The following TEP1 variants were observed in gnomAD, a reference collection of about 807,000 sequenced individuals.
TEP1 encodes the protein telomerase protein component 1.
TEP1 carries 241 observed loss-of-function variants against 306.3 expected under a neutral mutation model. The observed-to-expected ratio is 0.79, with a 90% confidence interval of 0.71 to 0.88. TEP1 has a LOEUF of 0.88. Ranked by LOEUF, TEP1 falls within the 40% of genes least tolerant of loss-of-function variation. The pLI is 0.00. For missense variants in TEP1, 3,051 were observed against 3,276.1 expected (o/e 0.93, Z 1.68); for synonymous variants, 1,289 against 1,305.5 (o/e 0.99, Z 0.27).
At position 20,413,475 on chromosome 14, in the gene TEP1, G is replaced by GC. The variant is rs201587210; in HGVS notation, c.-96dup. On this transcript the variant is annotated 5_prime_UTR_variant, in exon 1 of 55. Transcript: ENST00000262715. ...GATTCTGCCGGTGGGAAGGGTGGCA[G>GC]CCGGGGGAGGAGCCGGATGCGGATC... 1,410 of 152,512 alleles carry GC rather than the reference G, an allele frequency of 9.2e-3. 24 individuals carry two copies. The highest frequency in any genetic ancestry group is 0.031 in the African/African-American group (1,278 of 41,584). The allele number at this position is 152,512 out of a possible 1,614,324, so 9.4% of individuals were successfully genotyped here.
rs1468017690 is a variant in TEP1, at chr14:20,391,674, C to A, written c.2022G>T (p.Leu674=). 1 of 1,614,176 alleles carries A rather than the reference C, an allele frequency of 6.2e-7. No individual in the cohort carries two copies. Among genetic ancestry groups the A allele is most frequent in the Non-Finnish European group, 8.5e-7 (1 of 1,180,028 alleles). The change falls in exon 13 of 55, where the codon CTG becomes CTT. Residue 674 remains leucine, a synonymous_variant. Coordinates refer to ENST00000262715, the MANE Select transcript of TEP1 (RefSeq NM_007110.5). ...NLSVKHSLPL[L]PGRTVLVYLT... Reference sequence around the variant, plus strand: ...GATAGACCAAGACAGTGCGGCCTGGCAGCAGGGGCAGGCTGTGCTTCACAG... The same window carrying A: ...GATAGACCAAGACAGTGCGGCCTGGAAGCAGGGGCAGGCTGTGCTTCACAG...
rs776649005 is a variant in TEP1, at chr14:20,401,057, C to G, written c.1476G>C (p.Leu492=). 6.2e-7 allele frequency: 1 copy of G among 1,614,256 alleles called. No homozygotes were observed. Among genetic ancestry groups the G allele is most frequent in the Non-Finnish European group, 8.5e-7 (1 of 1,180,052 alleles). ...DSSRAGKRMK[L]SRPETWEREL... ...CCCGCTCCCAGGTCTCTGGCCTAGA[C>G]AGCTTCATCCTCTTCCCAGCTCTGC... The change falls in exon 9 of 55, where the codon CTG becomes CTC. Residue 492 remains leucine (L), a synonymous_variant. Transcript: ENST00000262715.
chr14:20,397,180 T>C (rs1316488227), intron 9 of TEP1, among the ~76,000 whole-genome samples: 2 of 152,252 alleles, frequency 1.3e-5, no homozygotes, highest in Non-Finnish European at 2.9e-5. Context: ...TTATCTAGTC[T>C]AGAGCAAAGG....
intron 4 of TEP1, 129 bp from the exon 5 acceptor site, chr14:20,404,901 C>T (rs988473982): frequency 1.8e-5 from 20 of 1,107,634 alleles, no homozygotes; most frequent in Admixed American, 3.3e-5. Flanking sequence ...CCACAAAATA[C>T]GAAGCCCAGG....
chr14:20,399,847 T>A (rs1157437910), intron 9 of TEP1, among the ~76,000 whole-genome samples: 1 of 151,792 alleles, frequency 6.6e-6, no homozygotes, highest in East Asian at 1.9e-4. Context: ...AGGGAGGAAG[T>A]GGAGATGGGT....
In TEP1 at chr14:20,380,866, GC is replaced by G. The variant is rs1594335741; in HGVS notation, c.4762+64del. ...CACCCCTGCCCCAACCCTGAGCAGG[GC>G]CCCCATAAGCACACCCAGGAGTCCC... On this transcript the variant is annotated intron_variant, in intron 33 of 54. Coordinates refer to ENST00000262715, the MANE Select transcript of TEP1 (RefSeq NM_007110.5). The G allele has an allele frequency of 8.1e-6, 11 of 1,362,648 alleles. No homozygotes were observed. The East Asian group carries it at 2.5e-4, about 31-fold the overall frequency. 84.4% of individuals were successfully genotyped at this position (1,362,648 alleles called of 1,614,324 possible).
intron 12 of TEP1, among the ~76,000 whole-genome samples, chr14:20,393,390 G>T (rs2139126410): frequency 6.6e-6 from 1 of 152,038 alleles, no homozygotes; most frequent in East Asian, 1.9e-4. Flanking sequence ...CTATCCAATA[G>T]AATTCAATTA....
intron 9 of TEP1, among the ~76,000 whole-genome samples, chr14:20,398,131 G>A (rs1878354969): frequency 6.6e-6 from 1 of 151,888 alleles, no homozygotes; most frequent in African/African-American, 2.4e-5. Context: ...TGTAATCCCA[G>A]CACTTTGGAA....
chr14:20,395,556 G>A lies in TEP1; in HGVS notation c.1822C>T (p.Arg608Trp), dbSNP rs201750847. The A allele has an allele frequency of 3.0e-5, 48 of 1,613,808 alleles. No individual in the cohort carries two copies. Among genetic ancestry groups the A allele is most frequent in the Middle Eastern group, 1.7e-4 (1 of 6,058 alleles). The change falls in exon 12 of 55, where the codon CGG (arginine) becomes TGG (tryptophan). Residue 608 changes from arginine to tryptophan, a missense_variant. Physicochemically the swap from Arg to Trp is moderately radical, Grantham distance 101. Transcript: ENST00000262715. ...LTRNEKNRPR[R>W]RFLCHLSRQQ... Reference sequence around the variant, plus strand: ...CGGCTTAGGTGGCAAAGAAACCTCCGCCTGGGACGGTTCTTTTCATTTCTA... The same window carrying A: ...CGGCTTAGGTGGCAAAGAAACCTCCACCTGGGACGGTTCTTTTCATTTCTA...
At chr14:20,393,903 A>T (rs1305105229) in intron 12 of TEP1, among the ~76,000 whole-genome samples, 1 of 152,094 alleles carries the variant, frequency 6.6e-6, no homozygotes. Flanking sequence ...CCTGGGTAAC[A>T]TGGTGAAACC....
chr14:20,406,037 A>C (rs1190678661), intron 3 of TEP1, among the ~76,000 whole-genome samples, 196 bp downstream of exon 3: 1 of 151,706 alleles, frequency 6.6e-6, no homozygotes, highest in Non-Finnish European at 1.5e-5. Context: ...GAAAAGGAAA[A>C]GAGAGAAAGA....
chr14:20,373,649 G>A (rs759095068), intron 45 of TEP1, 29 bp downstream of exon 45: 44 of 1,614,058 alleles, frequency 2.7e-5, no homozygotes, highest in African/African-American at 2.5e-4. Flanking sequence ...GAGACAGCAG[G>A]GAAGGGGAGG....
At chr14:20,397,674 T>C (rs758234520) in intron 9 of TEP1, among the ~76,000 whole-genome samples, 1 of 152,208 alleles carries the variant, frequency 6.6e-6, no homozygotes, top group African/African-American at 2.4e-5. Flanking sequence ...GCACTGGAGA[T>C]AGAATTTCAC....
intron 53 of TEP1, 56 bp from the exon 54 acceptor site, chr14:20,368,958 G>T: frequency 7.8e-7 from 1 of 1,286,588 alleles, no homozygotes; most frequent in Non-Finnish European, 1.1e-6. Context: ...CCTCCTCAGA[G>T]AAGCATCACA....
chr14:20,391,879 G>A, intron 12 of TEP1, 112 bp from the exon 13 acceptor site: 1 of 1,192,666 alleles, frequency 8.4e-7, no homozygotes. Flanking sequence ...CCTCCCTCAA[G>A]CACCATACCC....
rs149817039 is a variant in TEP1, at chr14:20,371,607, C to T, written c.7102G>A (p.Glu2368Lys). Reference protein sequence around the residue: ...LSLHLNRILQEDLGVLTSLDW... With the variant: ...LSLHLNRILQKDLGVLTSLDW... ...AGACTTGTCAGCACCCCTAAGTCCTCCTGTAGAATTCGGTTCAGGTGAAGA... is the reference window on the plus strand; with the variant it reads ...AGACTTGTCAGCACCCCTAAGTCCTTCTGTAGAATTCGGTTCAGGTGAAGA... The change falls in exon 50 of 55, where the codon GAG becomes AAG. Residue 2368 changes from glutamate to lysine, a missense_variant. Around this residue, in one of 3 missense-constraint regions of TEP1, gnomAD observed 1,540 missense variants for 1,705.9 expected, o/e 0.90. Transcript: ENST00000262715. 765 of 1,583,088 alleles carry T rather than the reference C, an allele frequency of 4.8e-4. No individual in the cohort carries two copies. The highest frequency in any genetic ancestry group is 6.3e-4 in the Non-Finnish European group (739 of 1,172,710).
At position 20,395,560 on chromosome 14, in the gene TEP1, G is replaced by A. The variant is rs779656923; in HGVS notation, c.1818C>T (p.Pro606=). 6.2e-7 allele frequency: 1 copy of A among 1,613,732 alleles called. No individual in the cohort carries two copies. The highest frequency in any genetic ancestry group is 1.7e-5 in the Admixed American group (1 of 60,014). The change falls in exon 12 of 55, where the codon CCC becomes CCT. Residue 606 remains proline, a synonymous_variant. Transcript: ENST00000262715. Reference sequence around the variant, plus strand: ...TTAGGTGGCAAAGAAACCTCCGCCTGGGACGGTTCTTTTCATTTCTAGTTA... The same window carrying A: ...TTAGGTGGCAAAGAAACCTCCGCCTAGGACGGTTCTTTTCATTTCTAGTTA... ...RILTRNEKNR[P]RRRFLCHLSR...
In TEP1 at chr14:20,391,040, C is replaced by T; in HGVS notation, c.2154G>A (p.Gln718=). 6.2e-7 allele frequency: 1 copy of T among 1,614,154 alleles called. No individual in the cohort carries two copies. The highest frequency in any genetic ancestry group is 8.5e-7 in the Non-Finnish European group (1 of 1,180,034). ...CACCTCCACACAGCACGACGTCCAC[C>T]TGCTCCGCCCTCGTGATCATCATCC... ...LIGMMITRAE[Q]VDVVLCGGDT... Residue 718 remains glutamine (Q), a synonymous_variant, in exon 14 of 55, where the codon CAG becomes CAA. Coordinates refer to ENST00000262715, the MANE Select transcript of TEP1 (RefSeq NM_007110.5).
Position 20,368,764 on chromosome 14 carries a change from G to GCGCACACACACACACA in TEP1, c.7761+33_7761+34insTGTGTGTGTGTGTGCG, listed in dbSNP as rs1555319356. ...CTTTGGGATAGGTGTGCAGGCGCACGCACACACACACACACACACACACAC... is the reference window on the plus strand; with the variant it reads ...CTTTGGGATAGGTGTGCAGGCGCACGCGCACACACACACACACACACACACACACACACACACACAC... On this transcript the variant is annotated intron_variant, in intron 54 of 54. Coordinates refer to ENST00000262715, the MANE Select transcript of TEP1 (RefSeq NM_007110.5). 5 of 1,344,372 alleles carry GCGCACACACACACACA rather than the reference G, an allele frequency of 3.7e-6. No homozygotes were observed. In the Admixed American group the frequency reaches 9.0e-5, roughly 24 times the overall value. The allele number at this position is 1,344,372 out of a possible 1,614,324, so 83.3% of individuals were successfully genotyped here.
Sources: allele counts gnomAD v4.1 joint callset (sites outside exome capture counted in the v4.1 genomes callset), GRCh38; gene constraint gnomAD v4.1.1; regional missense constraint gnomAD v4.1.1; transcripts MANE v1.5; gene names NCBI Gene and HGNC (gene_info 2026-07-23, HGNC 2026-07-21).